The following RORA variants were observed in gnomAD, a reference collection of about 807,000 sequenced individuals.
The protein encoded by RORA is RAR related orphan receptor A.
Under a neutral mutation model 69.5 loss-of-function variants are expected in RORA, and 7 were observed. The ratio of observed to expected loss-of-function variants is 0.10; its 90% CI spans 0.06 to 0.19. The LOEUF (loss-of-function observed/expected upper bound fraction) is 0.19. RORA is among the 10% of genes least tolerant of loss of function. The pLI, the probability that RORA is intolerant of heterozygous loss-of-function variation, is 1.00. For synonymous variants in RORA, 261 were observed against 240.8 expected (o/e 1.08, Z -0.78); for missense variants, 457 against 663.0 (o/e 0.69, Z 3.41).
intron 2 of RORA, among the ~76,000 whole-genome samples, chr15:60,635,742 G>T (rs1165869435): frequency 6.6e-6 from 1 of 152,172 alleles, no homozygotes; most frequent in Non-Finnish European, 1.5e-5. Flanking sequence ...CTTAGAAACA[G>T]AGACACGCTG....
chr15:60,645,850 A>G (rs952222567), intron 2 of RORA, among the ~76,000 whole-genome samples: 1 of 151,792 alleles, frequency 6.6e-6, no homozygotes, highest in South Asian at 2.1e-4. Flanking sequence ...ATGTTATCAT[A>G]CATATATACA....
At chr15:60,634,597 G>T (rs1487823576) in intron 2 of RORA, among the ~76,000 whole-genome samples, 1 of 151,872 alleles carries the variant, frequency 6.6e-6, no homozygotes, top group East Asian at 1.9e-4. Context: ...TAGAGACAGG[G>T]TTTCACCATG....
chr15:61,064,294 G>T (rs1196084916), intron 1 of RORA, among the ~76,000 whole-genome samples: 2 of 152,208 alleles, frequency 1.3e-5, no homozygotes, highest in Non-Finnish European at 2.9e-5. Context: ...CATCCGCGAA[G>T]GTTGTCCAGG....
At chr15:60,961,229 G>GT (rs751322463) in intron 1 of RORA, among the ~76,000 whole-genome samples, 30 of 152,084 alleles carry the variant, frequency 2.0e-4, no homozygotes, top group Non-Finnish European at 2.8e-4. Flanking sequence ...TGATTGGACT[G>GT]TTAGTCACCT....
At chr15:60,622,115 T>C (rs749597954) in intron 2 of RORA, among the ~76,000 whole-genome samples, 5 of 151,242 alleles carry the variant, frequency 3.3e-5, no homozygotes, top group African/African-American at 4.9e-5. Flanking sequence ...CCCTCTATAA[T>C]AGTATATATA....
chr15:60,752,338 G>A (rs1417405658), intron 1 of RORA, among the ~76,000 whole-genome samples: 1 of 152,118 alleles, frequency 6.6e-6, no homozygotes, highest in African/African-American at 2.4e-5. Context: ...GATGCATCCT[G>A]ACAAATACAG....
intron 2 of RORA, among the ~76,000 whole-genome samples, chr15:60,656,667 C>T (rs1347045774): frequency 6.6e-6 from 1 of 152,156 alleles, no homozygotes; most frequent in Non-Finnish European, 1.5e-5. Context: ...ATTTGGAAAA[C>T]TAAGCCACAG....
intron 1 of RORA, among the ~76,000 whole-genome samples, chr15:60,949,384 G>GA (rs1483005873): frequency 6.6e-6 from 1 of 152,076 alleles, no homozygotes; most frequent in African/African-American, 2.4e-5. Flanking sequence ...AGCTAAAGTG[G>GA]AAAAAAACTC....
rs765184429 is a variant in RORA, at chr15:60,595,319, C to A, written c.197-63468G>T. 2.0e-5 allele frequency among the ~76,000 whole-genome samples: 3 copies of A among 152,130 alleles called. No homozygotes were observed. In the East Asian group the frequency reaches 5.8e-4, roughly 29 times the overall value. ...CTTGAGGTCAGGAGTTCAAGACCAA[C>A]CTGGGCAACATGGTGAAACCCCATC... On this transcript the variant is annotated intron_variant, in intron 2 of 10. Coordinates refer to ENST00000335670, the MANE Select transcript of RORA (RefSeq NM_134261.3).
At chr15:60,777,241 T>C (rs1280372182) in intron 1 of RORA, among the ~76,000 whole-genome samples, 1 of 152,158 alleles carries the variant, frequency 6.6e-6, no homozygotes, top group Non-Finnish European at 1.5e-5. Flanking sequence ...AGTGAAAAGC[T>C]GAATACAAAA....
chr15:60,584,044 A>G (rs925427763), intron 2 of RORA, among the ~76,000 whole-genome samples: 4 of 152,160 alleles, frequency 2.6e-5, no homozygotes, highest in African/African-American at 9.7e-5. Context: ...GTGAAGATCA[A>G]TGACATTTGG....
chr15:60,691,881 A>C (rs1874748169), intron 1 of RORA, among the ~76,000 whole-genome samples: 1 of 152,214 alleles, frequency 6.6e-6, no homozygotes. Flanking sequence ...TTGTAAAACT[A>C]ATCTCATATT....
intron 1 of RORA, among the ~76,000 whole-genome samples, chr15:60,853,779 A>G (rs548939391): frequency 1.3e-5 from 2 of 152,238 alleles, no homozygotes; most frequent in Non-Finnish European, 2.9e-5. Context: ...CTGGACTTGG[A>G]GTCAGATAGA....
intron 1 of RORA, among the ~76,000 whole-genome samples, chr15:61,150,399 G>A (rs543837108): frequency 3.3e-5 from 5 of 151,114 alleles, no homozygotes; most frequent in African/African-American, 1.2e-4. Context: ...CAAATAATAT[G>A]TACATACAAA....
At chr15:60,833,146 C>T (rs908248795) in intron 1 of RORA, among the ~76,000 whole-genome samples, 9 of 151,946 alleles carry the variant, frequency 5.9e-5, no homozygotes, top group East Asian at 1.9e-4. Flanking sequence ...CCTCATGATC[C>T]GCCCGCCTCG....
chr15:60,667,438 C>T (rs1284002531), intron 2 of RORA, among the ~76,000 whole-genome samples: 1 of 152,064 alleles, frequency 6.6e-6, no homozygotes, highest in Non-Finnish European at 1.5e-5. Flanking sequence ...GCCTCCCTGC[C>T]GGGTGCTTTA....
intron 1 of RORA, among the ~76,000 whole-genome samples, chr15:61,059,958 A>AGAAGAAGAG (rs2078152413): frequency 8.3e-6 from 1 of 119,884 alleles, no homozygotes; most frequent in African/African-American, 3.1e-5. Flanking sequence ...AAGAAGAAGA[A>AGAAGAAGAG]GAAGAGGAAG....
chr15:60,826,787 CTCTTT>C (rs1268105665), intron 1 of RORA, among the ~76,000 whole-genome samples: 8,767 of 92,336 alleles, frequency 0.095, 298 homozygotes, highest in Admixed American at 0.16. Flanking sequence ...CTCTCTCTCT[CTCTTT>C]TTTTTTTAAA....
At position 61,112,022 on chromosome 15, in the gene RORA, A is replaced by C. The variant is rs1011777008; in HGVS notation, c.166+117031T>G. On this transcript the variant is annotated intron_variant, in intron 1 of 10. Coordinates refer to ENST00000335670, the MANE Select transcript of RORA (RefSeq NM_134261.3). ...GGTTCACTGAATTAGACAGTACCTG[A>C]GTAACTGTGCCAGTGCAGATGGGAA... 1.3e-4 allele frequency among the ~76,000 whole-genome samples: 20 copies of C among 152,332 alleles called. No individual in the cohort carries two copies. The East Asian group carries it at 1.5e-3, about 12-fold the overall frequency.
Sources: allele counts gnomAD v4.1 joint callset (sites outside exome capture counted in the v4.1 genomes callset), GRCh38; gene constraint gnomAD v4.1.1; transcripts MANE v1.5; gene names NCBI Gene and HGNC (gene_info 2026-07-23, HGNC 2026-07-21).